FLNB: variants seen among roughly 807,000 people sequenced by gnomAD.
FLNB encodes the protein filamin-B.
A neutral mutation model predicts 250.6 loss-of-function variants in FLNB; 111 were observed. The observed-to-expected ratio is 0.44, with a 90% CI of 0.38 to 0.52. The LOEUF is 0.52. Ranked by LOEUF, FLNB falls within the 20% of genes least tolerant of loss-of-function variation. The probability of loss-of-function intolerance (pLI) is 0.00; values close to 1 mark genes in which losing one functional copy is unlikely to be tolerated. For synonymous variants in FLNB, 1,302 were observed against 1,372.1 expected (o/e 0.95, Z 1.13); for missense variants, 2,869 against 3,447.8 (o/e 0.83, Z 4.20).
At chr3:58,049,516 G>T (rs1330472557) in intron 1 of FLNB, among the ~76,000 whole-genome samples, 1 of 152,188 alleles carries the variant, frequency 6.6e-6, no homozygotes, top group Non-Finnish European at 1.5e-5. Context: ...CAGCTTTCAG[G>T]CCTCAGGAAA....
chr3:58,044,421 A>G (rs2097150519), intron 1 of FLNB, among the ~76,000 whole-genome samples: 1 of 148,986 alleles, frequency 6.7e-6, no homozygotes, highest in African/African-American at 2.5e-5. Flanking sequence ...ACATAAAGAG[A>G]CCCTGTCTCT....
chr3:58,170,496 C>A, intron 45 of FLNB, 79 bp from the exon 46 acceptor site: 1 of 1,430,420 alleles, frequency 7.0e-7, no homozygotes, highest in Non-Finnish European at 9.8e-7. Flanking sequence ...AAGCACCTTA[C>A]CTTTGGCTCT....
rs747433192 is a variant in FLNB, at chr3:58,138,294, C to T, written c.4874C>T (p.Ala1625Val). The change falls in exon 29 of 46, where the codon GCC (alanine) becomes GTC (valine). Residue 1625 changes from alanine (A) to valine (V), a missense_variant. Ala to Val is a moderately conservative substitution (Grantham distance 64). Coordinates refer to ENST00000295956, the MANE Select transcript of FLNB (RefSeq NM_001457.4). The stretch of plus-strand genomic sequence containing the variant: ...AACTCTTCTCCAGGTCCTGGAATCG[C>T]CTCCACTGTGAAAACTGGCGAAGAA... ...SKCLATGPGI[A>V]STVKTGEEVG... 5 of 1,613,920 alleles carry T rather than the reference C, an allele frequency of 3.1e-6. No homozygotes were observed. Among genetic ancestry groups the T allele is most frequent in the Non-Finnish European group, 4.2e-6 (5 of 1,180,050 alleles).
chr3:58,143,029 A>C (rs1037597278), intron 31 of FLNB, among the ~76,000 whole-genome samples: 1 of 152,214 alleles, frequency 6.6e-6, no homozygotes, highest in Non-Finnish European at 1.5e-5. Context: ...TAGATACCTC[A>C]TGACTGTCGG....
At chr3:58,077,322 C>G in intron 2 of FLNB, 28 bp downstream of exon 2, 1 of 1,612,792 alleles carries the variant, frequency 6.2e-7, no homozygotes, top group Non-Finnish European at 8.5e-7. Context: ...CCTAAACCAT[C>G]TGTCCAGGAT....
chr3:58,153,841 A>T (rs1233073125), intron 39 of FLNB, among the ~76,000 whole-genome samples, 200 bp downstream of exon 39: 1 of 152,230 alleles, frequency 6.6e-6, no homozygotes, highest in Non-Finnish European at 1.5e-5. Context: ...AAAGCCAAAC[A>T]GGTTTCTTAC....
In FLNB at chr3:58,097,994, C is replaced by G; in HGVS notation, c.1147+17C>G. On this transcript the variant is annotated intron_variant, in intron 7 of 45. Coordinates refer to ENST00000295956, the MANE Select transcript of FLNB (RefSeq NM_001457.4). ...ATACGGCAGGTAACGTGCCTCTCCT[C>G]CATGGATCTGACCTTTGCGCTTTCT... 6.2e-7 allele frequency: 1 copy of G among 1,613,488 alleles called. No individual in the cohort carries two copies. The highest frequency in any genetic ancestry group is 8.5e-7 in the Non-Finnish European group (1 of 1,179,624).
chr3:58,116,209 G>T (rs530984712), intron 18 of FLNB, among the ~76,000 whole-genome samples: 1 of 152,326 alleles, frequency 6.6e-6, no homozygotes, highest in Non-Finnish European at 1.5e-5. Context: ...CTAAGGAAGT[G>T]TGCCCTTGGA....
chr3:58,131,442 G>A (rs2097307211), intron 25 of FLNB, among the ~76,000 whole-genome samples: 1 of 152,198 alleles, frequency 6.6e-6, no homozygotes, highest in Non-Finnish European at 1.5e-5. Flanking sequence ...TTGGAACTTG[G>A]GTTTGGTAAG....
intron 28 of FLNB, 131 bp downstream of exon 28, chr3:58,136,299 C>T (rs1375344679): frequency 2.4e-6 from 2 of 831,878 alleles, no homozygotes; most frequent in Non-Finnish European, 4.0e-6. Flanking sequence ...TTCAGTTTGA[C>T]ATAGATTGAA....
chr3:58,112,250 G>A lies in FLNB; in HGVS notation c.2677G>A (p.Val893Met). The A allele has an allele frequency of 6.2e-7, 1 of 1,614,102 alleles. No individual in the cohort carries two copies. The stretch of plus-strand genomic sequence containing the variant: ...CAACAGCCCTCTTCCTGGCGATGCA[G>A]TGAAGGATTTGGATATCATCGATAA... ...QFNSPLPGDAVKDLDIIDNYD... is the reference protein window; with the variant it reads ...QFNSPLPGDAMKDLDIIDNYD... The change falls in exon 18 of 46, where the codon GTG becomes ATG. Residue 893 changes from valine to methionine, a missense_variant. Physicochemically the swap from Val to Met is conservative, Grantham distance 21. Transcript: ENST00000295956.
chr3:58,038,916 T>C (rs2097142059), intron 1 of FLNB, among the ~76,000 whole-genome samples: 1 of 152,126 alleles, frequency 6.6e-6, no homozygotes, highest in Admixed American at 6.6e-5. Flanking sequence ...ACCTGTTGTA[T>C]CTTTGTTTAC....
chr3:58,052,530 C>T (rs2097164093), intron 1 of FLNB, among the ~76,000 whole-genome samples: 1 of 152,114 alleles, frequency 6.6e-6, no homozygotes, highest in Admixed American at 6.5e-5. Flanking sequence ...GGCCTTTGGT[C>T]AGAAAAACCA....
At chr3:58,037,096 G>A (rs1291301482) in intron 1 of FLNB, among the ~76,000 whole-genome samples, 5 of 117,408 alleles carry the variant, frequency 4.3e-5, no homozygotes, top group Admixed American at 1.3e-4. Flanking sequence ...AGACAGTCTC[G>A]CTCTATCACC....
At chr3:58,093,710 A>G (rs1037808206) in intron 4 of FLNB, among the ~76,000 whole-genome samples, 6 of 152,120 alleles carry the variant, frequency 3.9e-5, no homozygotes, top group Non-Finnish European at 7.4e-5. Flanking sequence ...GACAACTAGA[A>G]ACAACCCAGA....
rs748000767 is a variant in FLNB, at chr3:58,097,986, C to T, written c.1147+9C>T. Reference sequence around the variant, plus strand: ...TGACATCTATACGGCAGGTAACGTGCCTCTCCTCCATGGATCTGACCTTTG... The same window carrying T: ...TGACATCTATACGGCAGGTAACGTGTCTCTCCTCCATGGATCTGACCTTTG... On this transcript the variant is annotated intron_variant, in intron 7 of 45. Coordinates refer to ENST00000295956, the MANE Select transcript of FLNB (RefSeq NM_001457.4). The T allele has an allele frequency of 1.4e-5, 22 of 1,613,588 alleles. No individual in the cohort carries two copies. The Admixed American group carries it at 3.5e-4, about 26-fold the overall frequency.
At chr3:58,156,772 C>G (rs548739915) in intron 41 of FLNB, among the ~76,000 whole-genome samples, 182 of 152,314 alleles carry the variant, frequency 1.2e-3, no homozygotes, top group African/African-American at 4.1e-3. Flanking sequence ...TCTCGGCTCA[C>G]TGAAACCTCT....
In FLNB at chr3:58,107,282, C is replaced by A. The variant is rs568194218; in HGVS notation, c.1941+409C>A. On this transcript the variant is annotated intron_variant, in intron 12 of 45. Coordinates refer to ENST00000295956, the MANE Select transcript of FLNB (RefSeq NM_001457.4). ...CTGGCCTCAAGTGATCCACCCGCCT[C>A]GGCCCTCCCAAAGTGCTGGGATTAC... Among the ~76,000 whole-genome samples, 6 of 152,288 alleles carry A rather than the reference C, an allele frequency of 3.9e-5. No homozygotes were observed. The South Asian group carries it at 1.2e-3, about 32-fold the overall frequency.
At chr3:58,086,536 C>T (rs1013879086) in intron 4 of FLNB, among the ~76,000 whole-genome samples, 3 of 152,066 alleles carry the variant, frequency 2.0e-5, no homozygotes, top group Admixed American at 1.3e-4. Flanking sequence ...GGAAGGCTAC[C>T]TTTTAAAATT....
Sources: allele counts gnomAD v4.1 joint callset (sites outside exome capture counted in the v4.1 genomes callset), GRCh38; gene constraint gnomAD v4.1.1; transcripts MANE v1.5; gene names NCBI Gene and HGNC (gene_info 2026-07-23, HGNC 2026-07-21).